DIPK2B: variants seen among roughly 807,000 people sequenced by gnomAD.
The protein encoded by DIPK2B is divergent protein kinase domain 2B, also known as UPF0672 protein CXorf36.
A neutral mutation model predicts 22.2 loss-of-function variants in DIPK2B; 15 were observed. The ratio of observed to expected loss-of-function variants is 0.68; its 90% CI spans 0.45 to 1.04. DIPK2B has a LOEUF of 1.04. Ranked by LOEUF, DIPK2B falls within the 50% of genes least tolerant of loss-of-function variation. The pLI is 0.00. For synonymous variants in DIPK2B, 163 were observed against 153.2 expected, an observed-to-expected ratio of 1.06 and a Z score of -0.47; for missense variants, 345 against 348.3, an observed-to-expected ratio of 0.99 and a Z score of 0.08.
rs2046946154 is a variant in DIPK2B, at chrX:45,148,836, C to T, written c.*2816G>A. 1 of 111,702 alleles carries T rather than the reference C, an allele frequency of 9.0e-6. No homozygotes were observed. Among genetic ancestry groups the T allele is most frequent in the African/African-American group, 3.3e-5 (1 of 30,747 alleles). The allele number at this position is 111,702 out of a possible 1,213,427, so 9.2% of individuals were successfully genotyped here. The stretch of plus-strand genomic sequence containing the variant: ...ACTAAAAACCAATCTCCCTACAGCT[C>T]CTCGGGGGACAGCTCGCCGGTTTTC... On this transcript the variant is annotated 3_prime_UTR_variant, in exon 5 of 5. Transcript: ENST00000398000.
intron 2 of DIPK2B, among the ~76,000 whole-genome samples, chrX:45,173,013 C>T (rs1048806021): frequency 1.8e-5 from 2 of 111,528 alleles, no homozygotes; most frequent in African/African-American, 6.5e-5. Flanking sequence ...TGAGAGCAGG[C>T]GCTGCCAGGC....
intron 2 of DIPK2B, chrX:45,164,208 C>G: frequency 8.3e-7 from 1 of 1,203,272 alleles, no homozygotes; most frequent in East Asian, 3.0e-5. Context: ...GTTATCTCAG[C>G]ATACACAGGA....
chrX:45,166,840 G>T (rs2047051511), intron 2 of DIPK2B, among the ~76,000 whole-genome samples: 1 of 112,296 alleles, frequency 8.9e-6, no homozygotes, highest in Non-Finnish European at 1.9e-5. Context: ...TTCCTTGCCA[G>T]CTACATTTGG....
chrX:45,192,125 G>T, intron 1 of DIPK2B, 110 bp from the exon 2 acceptor site: 1 of 805,115 alleles, frequency 1.2e-6, no homozygotes, highest in Non-Finnish European at 1.7e-6. Flanking sequence ...CTCCTACTTA[G>T]ACTGAGGTGT....
At chrX:45,185,811 C>A (rs1371254920) in intron 2 of DIPK2B, among the ~76,000 whole-genome samples, 2 of 109,774 alleles carry the variant, frequency 1.8e-5, no homozygotes, top group African/African-American at 6.6e-5. Flanking sequence ...TGCCACCACG[C>A]CTGGCTAATT....
At chrX:45,193,042 G>C (rs2047220803) in intron 1 of DIPK2B, among the ~76,000 whole-genome samples, 1 of 112,739 alleles carries the variant, frequency 8.9e-6, no homozygotes, top group African/African-American at 3.2e-5. Context: ...ACCTCCCAAA[G>C]TGTTGGGATT....
At chrX:45,179,007 G>A (rs2047134280) in intron 2 of DIPK2B, among the ~76,000 whole-genome samples, 1 of 111,228 alleles carries the variant, frequency 9.0e-6, no homozygotes, top group African/African-American at 3.3e-5. Flanking sequence ...CACAAACAAA[G>A]CCTAAAATCC....
At chrX:45,173,849 G>C (rs901071336) in intron 2 of DIPK2B, among the ~76,000 whole-genome samples, 1 of 111,112 alleles carries the variant, frequency 9.0e-6, no homozygotes, top group African/African-American at 3.3e-5. Flanking sequence ...GGGATAACAG[G>C]TGTGAGCCAC....
At chrX:45,152,736 G>C in intron 4 of DIPK2B, among the ~76,000 whole-genome samples, 1 of 110,905 alleles carries the variant, frequency 9.0e-6, no homozygotes, top group East Asian at 2.8e-4. Flanking sequence ...TTCGAGACCA[G>C]CCTGGCCAAC....
chrX:45,156,426 C>T (rs1022168762), intron 3 of DIPK2B, among the ~76,000 whole-genome samples: 5 of 112,300 alleles, frequency 4.5e-5, no homozygotes, highest in African/African-American at 1.3e-4. Flanking sequence ...TCTCATCCCA[C>T]GCCTCTCAAG....
chrX:45,179,304 G>A (rs1002689497), intron 2 of DIPK2B, among the ~76,000 whole-genome samples: 4 of 110,851 alleles, frequency 3.6e-5, no homozygotes, highest in Admixed American at 2.9e-4. Context: ...AATTTTTAAA[G>A]GAAGATGACA....
At chrX:45,187,771 C>T (rs1421017198) in intron 2 of DIPK2B, among the ~76,000 whole-genome samples, 3 of 111,345 alleles carry the variant, frequency 2.7e-5, no homozygotes, top group African/African-American at 9.8e-5. Flanking sequence ...TCCCTCCTCC[C>T]TTTCGTTTAC....
chrX:45,162,957 G>C, intron 2 of DIPK2B: 2 of 753,439 alleles, frequency 2.7e-6, no homozygotes, highest in Non-Finnish European at 3.1e-6. Flanking sequence ...GAAGACGGTC[G>C]ATAAAATTTA....
chrX:45,149,081 G>A lies in DIPK2B; in HGVS notation c.*2571C>T, dbSNP rs779771014. 1 of 112,695 alleles carries A rather than the reference G, an allele frequency of 8.9e-6. No homozygotes were observed. The highest frequency in any genetic ancestry group is 3.7e-4 in the South Asian group (1 of 2,712). 9.3% of individuals were successfully genotyped at this position (112,695 alleles called of 1,213,427 possible). On this transcript the variant is annotated 3_prime_UTR_variant, in exon 5 of 5. Transcript: ENST00000398000. ...CCGTGCAGGTGGACAGATGTGTGGT[G>A]GAGGCATTTGAGGGTTACCTCAGAC... is the stretch of plus-strand genomic sequence containing the variant.
chrX:45,194,319 G>C (rs1219213561), intron 1 of DIPK2B, among the ~76,000 whole-genome samples: 5 of 109,768 alleles, frequency 4.6e-5, no homozygotes, highest in African/African-American at 1.7e-4. Flanking sequence ...GCGCAGTCTT[G>C]GTTCACTGCA....
In DIPK2B at chrX:45,151,720, GCCTCAAGATGT is replaced by G; in HGVS notation, c.1223_1233del (p.Asp408AlafsTer6). The G allele has an allele frequency of 1.7e-6, 2 of 1,211,883 alleles. No individual in the cohort carries two copies. Among genetic ancestry groups the G allele is most frequent in the South Asian group, 1.8e-5 (1 of 57,021 alleles). On this transcript the variant is annotated frameshift_variant, in exon 5 of 5. Coordinates refer to ENST00000398000, the MANE Select transcript of DIPK2B (RefSeq NM_176819.4). LOFTEE classifies it high-confidence loss of function. ...AATCTGGAGTCACACGTTCTCAGGG[GCCTCAAGATGT>G]CTTTCAGCTGGCTGGCGGCCCCAAG...
intron 2 of DIPK2B, among the ~76,000 whole-genome samples, chrX:45,184,957 C>T (rs2047174149): frequency 9.0e-6 from 1 of 111,227 alleles, no homozygotes; most frequent in Admixed American, 9.6e-5. Flanking sequence ...TAGTTAATGT[C>T]TGATGTGATT....
chrX:45,165,683 G>A (rs1427415380), intron 2 of DIPK2B, among the ~76,000 whole-genome samples: 3 of 111,404 alleles, frequency 2.7e-5, no homozygotes, highest in Non-Finnish European at 3.8e-5. Context: ...TCCATTGTGT[G>A]ACAATACATA....
intron 1 of DIPK2B, among the ~76,000 whole-genome samples, chrX:45,197,090 A>G (rs1241529658): frequency 9.0e-6 from 1 of 111,713 alleles, no homozygotes; most frequent in Non-Finnish European, 1.9e-5. Context: ...AGATGCAAGC[A>G]TTGTCCAGTC....
Sources: gnomAD v4.1 joint callset for allele counts (sites outside exome capture counted in the v4.1 genomes callset) on GRCh38, gnomAD v4.1.1 for gene constraint, MANE v1.5 for transcripts, NCBI Gene and HGNC (gene_info 2026-07-23, HGNC 2026-07-21) for gene names.